ERBB4: variants seen among roughly 807,000 people sequenced by gnomAD.
The protein encoded by ERBB4 is receptor tyrosine-protein kinase erbB-4.
In ERBB4, 42 loss-of-function variants were observed where a neutral mutation model predicts 158.0. The ratio of observed to expected loss-of-function variants is 0.27; its 90% confidence interval spans 0.21 to 0.34. ERBB4 has a LOEUF of 0.34. Ranked by LOEUF, ERBB4 falls within the 10% of genes least tolerant of loss-of-function variation. ERBB4 has a pLI of 1.00. For missense variants in ERBB4, 1,333 were observed against 1,624.1 expected, an observed-to-expected ratio of 0.82 and a Z score of 3.08; for synonymous variants, 583 against 558.7, an observed-to-expected ratio of 1.04 and a Z score of -0.61.
chr2:212,018,128 C>A (rs186627586), intron 2 of ERBB4, among the ~76,000 whole-genome samples: 1 of 152,194 alleles, frequency 6.6e-6, no homozygotes, highest in Admixed American at 6.5e-5. Context: ...TTAACCACCA[C>A]CCCAGGAAGA....
intron 3 of ERBB4, among the ~76,000 whole-genome samples, chr2:211,818,986 C>A (rs568636662): frequency 2.0e-5 from 3 of 152,022 alleles, no homozygotes; most frequent in African/African-American, 7.2e-5. Flanking sequence ...ATTATTTTTT[C>A]TTGATTGTCT....
At chr2:212,399,547 T>TATAC in intron 1 of ERBB4, among the ~76,000 whole-genome samples, 1 of 10,356 alleles carries the variant, frequency 9.7e-5, no homozygotes, top group South Asian at 3.7e-3. Flanking sequence ...TATATATACA[T>TATAC]ATATATATAT....
chr2:211,622,863 T>A lies in ERBB4; in HGVS notation c.2202+1059A>T, dbSNP rs531247794. ...CTGTAATCCCAGCTACTGGGGAGGT[T>A]AAGGCAGGAGAATAGCTGGAACCTG... On this transcript the variant is annotated intron_variant, in intron 18 of 27. Coordinates refer to ENST00000342788, the MANE Select transcript of ERBB4 (RefSeq NM_005235.3). Among the ~76,000 whole-genome samples the A allele has an allele frequency of 1.6e-4, 23 of 143,224 alleles. No individual in the cohort carries two copies. In the South Asian group the frequency reaches 4.5e-3, roughly 28 times the overall value. The allele number at this position is 143,224 out of a possible 152,430, so 94.0% of individuals were successfully genotyped here. A position where few individuals can be genotyped will look rare whatever the true frequency, so the allele number is the denominator to read the frequency against.
intron 2 of ERBB4, among the ~76,000 whole-genome samples, chr2:212,011,006 T>C (rs1379805531): frequency 6.6e-6 from 1 of 152,204 alleles, no homozygotes; most frequent in Non-Finnish European, 1.5e-5. Context: ...TTGTCTTCCC[T>C]TGTTCCCTAA....
chr2:211,597,251 A>G (rs1393698975), intron 19 of ERBB4, among the ~76,000 whole-genome samples: 1 of 152,204 alleles, frequency 6.6e-6, no homozygotes, highest in South Asian at 2.1e-4. Context: ...GGGATGAGGC[A>G]TATCTAATCA....
intron 1 of ERBB4, among the ~76,000 whole-genome samples, chr2:212,253,920 A>G (rs1011790974): frequency 6.6e-6 from 1 of 152,106 alleles, no homozygotes; most frequent in African/African-American, 2.4e-5. Flanking sequence ...ACACCTGTAT[A>G]GTATGTTACT....
At chr2:212,392,320 A>T (rs1365440140) in intron 1 of ERBB4, among the ~76,000 whole-genome samples, 1 of 152,008 alleles carries the variant, frequency 6.6e-6, no homozygotes, top group Non-Finnish European at 1.5e-5. Context: ...TAAATCTTTA[A>T]AAAAATGAGT....
Position 211,450,127 on chromosome 2 carries a change from C to G in ERBB4, c.2488-19027G>C, listed in dbSNP as rs146539392. On this transcript the variant is annotated intron_variant, in intron 20 of 27. Transcript: ENST00000342788. ...TAACTGAGGCAGCCTGGTTTCAGGT[C>G]TAAGGAATACATGTGCAGAACTGGG... 2.0e-5 allele frequency among the ~76,000 whole-genome samples: 3 copies of G among 152,184 alleles called. No homozygotes were observed. The East Asian group carries it at 5.8e-4, about 29-fold the overall frequency.
At chr2:211,573,968 A>G (rs1448339331) in intron 19 of ERBB4, among the ~76,000 whole-genome samples, 2 of 152,216 alleles carry the variant, frequency 1.3e-5, no homozygotes, top group African/African-American at 4.8e-5. Context: ...GATACTTTTA[A>G]TTCATTTGGT....
chr2:211,905,646 TC>T (rs2079359888), intron 3 of ERBB4, among the ~76,000 whole-genome samples: 2 of 25,138 alleles, frequency 8.0e-5, no homozygotes, highest in Admixed American at 4.9e-4. Context: ...GTAGGAAGGA[TC>T]ATATATATAT....
chr2:211,912,250 G>A (rs188407880), intron 3 of ERBB4, among the ~76,000 whole-genome samples: 61 of 152,172 alleles, frequency 4.0e-4, no homozygotes, highest in African/African-American at 1.1e-3. Context: ...GAAGAAATGA[G>A]TCTTGTTTTT....
chr2:212,279,144 T>A (rs1319125893), intron 1 of ERBB4, among the ~76,000 whole-genome samples: 1 of 151,536 alleles, frequency 6.6e-6, no homozygotes, highest in East Asian at 1.9e-4. Flanking sequence ...GAGTTATGAG[T>A]ATAGAAGAGA....
chr2:211,770,880 T>C (rs1463961475), intron 4 of ERBB4, among the ~76,000 whole-genome samples: 4 of 152,168 alleles, frequency 2.6e-5, no homozygotes, highest in Non-Finnish European at 5.9e-5. Context: ...TTTTTATTAT[T>C]GAAATTAATG....
intron 20 of ERBB4, among the ~76,000 whole-genome samples, chr2:211,548,128 T>G (rs13398820): frequency 2.2e-3 from 329 of 152,198 alleles, no homozygotes; most frequent in African/African-American, 7.5e-3. Context: ...GTATAGAGAT[T>G]CTCTCTTACC....
intron 16 of ERBB4, among the ~76,000 whole-genome samples, chr2:211,657,290 C>T (rs2071252103): frequency 6.6e-6 from 1 of 152,086 alleles, no homozygotes; most frequent in African/African-American, 2.4e-5. Context: ...AGGCAGATTG[C>T]CTGAGGTCAG....
intron 1 of ERBB4, among the ~76,000 whole-genome samples, chr2:212,146,411 T>C (rs2080674913): frequency 6.6e-6 from 1 of 152,166 alleles, no homozygotes; most frequent in South Asian, 2.1e-4. Flanking sequence ...ACAATATAAC[T>C]CTAGAAGCAT....
At chr2:211,433,238 C>T (rs1265591889) in intron 20 of ERBB4, among the ~76,000 whole-genome samples, 1 of 152,162 alleles carries the variant, frequency 6.6e-6, no homozygotes, top group East Asian at 1.9e-4. Flanking sequence ...AGAACTTAGA[C>T]TTTTGCATTT....
At chr2:211,593,239 TGAA>T (rs888764031) in intron 19 of ERBB4, among the ~76,000 whole-genome samples, 1 of 152,040 alleles carries the variant, frequency 6.6e-6, no homozygotes, top group African/African-American at 2.4e-5. Context: ...CTAACAAACT[TGAA>T]GAAGAGAGAA....
chr2:211,992,419 G>A (rs1349180076), intron 2 of ERBB4, among the ~76,000 whole-genome samples: 1 of 151,974 alleles, frequency 6.6e-6, no homozygotes, highest in Non-Finnish European at 1.5e-5. Context: ...TGATTCAAAT[G>A]TGGGTCCCTC....
Sources: gnomAD v4.1 joint callset for allele counts (sites outside exome capture counted in the v4.1 genomes callset) on GRCh38, gnomAD v4.1.1 for gene constraint, MANE v1.5 for transcripts, NCBI Gene and HGNC (gene_info 2026-07-23, HGNC 2026-07-21) for gene names.